Variants in MTUS2 observed in about 807,000 individuals in gnomAD.
MTUS2 encodes the protein microtubule-associated tumor suppressor candidate 2.
In MTUS2, 40 loss-of-function variants were observed where a neutral mutation model predicts 114.1. That is an observed-to-expected ratio of 0.35 (90% CI 0.27 to 0.46). The LOEUF is 0.46. Among genes scored for constraint, MTUS2 ranks in the 20% least tolerant of loss-of-function variants. MTUS2 has a pLI of 1.00. For missense variants in MTUS2, 1,679 were observed against 1,705.4 expected, an observed-to-expected ratio of 0.98 and a Z score of 0.27; for synonymous variants, 688 against 672.0, an observed-to-expected ratio of 1.02 and a Z score of -0.37.
At chr13:29,116,955 G>C (rs1176884630) in intron 5 of MTUS2, among the ~76,000 whole-genome samples, 2 of 152,114 alleles carry the variant, frequency 1.3e-5, no homozygotes, top group Admixed American at 1.3e-4. Context: ...CATGGATAAG[G>C]GGGGACTACT....
intron 9 of MTUS2, among the ~76,000 whole-genome samples, chr13:29,463,948 C>G (rs142193105): frequency 8.0e-4 from 122 of 152,250 alleles, no homozygotes; most frequent in African/African-American, 2.7e-3. Context: ...AAGCCAAGAT[C>G]GCACCACTGC....
At position 28,966,345 on chromosome 13, in the gene MTUS2, G is replaced by C. The variant is rs537612506; in HGVS notation, c.-242-58112G>C. On this transcript the variant is annotated intron_variant, in intron 2 of 15. Coordinates refer to ENST00000612955, the MANE Select transcript of MTUS2 (RefSeq NM_001033602.4). ...TTGTTTAAAGATATTCAGTTTATTTGCACATTCTTTGCTTTGGAAATACTT... is the reference window on the plus strand; with the variant it reads ...TTGTTTAAAGATATTCAGTTTATTTCCACATTCTTTGCTTTGGAAATACTT... Among the ~76,000 whole-genome samples, 55 of 152,174 alleles carry C rather than the reference G, an allele frequency of 3.6e-4. No homozygotes were observed. The Middle Eastern group carries it at 0.01, about 28-fold the overall frequency.
At position 29,155,665 on chromosome 13, in the gene MTUS2, C is replaced by A. The variant is rs117873051; in HGVS notation, c.2644+54695C>A. Among the ~76,000 whole-genome samples, 536 of 152,092 alleles carry A rather than the reference C, an allele frequency of 3.5e-3. 1 individual carries two copies. The highest frequency in any genetic ancestry group is 5.6e-3 in the Non-Finnish European group (378 of 68,004). On this transcript the variant is annotated intron_variant, in intron 5 of 15. Coordinates refer to ENST00000612955, the MANE Select transcript of MTUS2 (RefSeq NM_001033602.4). ...AATGTATGATCTAGAGAGGAAAACA[C>A]CAGAAATTCTGTATTTCTAACTAAA...
intron 2 of MTUS2, among the ~76,000 whole-genome samples, chr13:28,966,800 C>T (rs1016076462): frequency 6.7e-5 from 10 of 150,294 alleles, no homozygotes; most frequent in African/African-American, 1.5e-4. Context: ...GAAGGTTTAG[C>T]GTTGCAAACC....
chr13:29,384,306 TTC>T (rs1400951797), intron 8 of MTUS2, among the ~76,000 whole-genome samples: 3 of 152,252 alleles, frequency 2.0e-5, no homozygotes, highest in Non-Finnish European at 2.9e-5. Flanking sequence ...CATCTGAACT[TTC>T]TGTTAGAATT....
At chr13:29,259,313 A>T (rs1897385416) in intron 5 of MTUS2, among the ~76,000 whole-genome samples, 1 of 152,132 alleles carries the variant, frequency 6.6e-6, no homozygotes, top group Admixed American at 6.5e-5. Context: ...ATATGCCTTT[A>T]TTGGAGCACC....
intron 4 of MTUS2, among the ~76,000 whole-genome samples, chr13:29,060,141 C>T (rs886828144): frequency 5.3e-5 from 8 of 152,230 alleles, no homozygotes; most frequent in Non-Finnish European, 1.2e-4. Context: ...GTGCAGCAGT[C>T]TTACTGCTCC....
At chr13:29,061,693 T>C (rs1888428124) in intron 4 of MTUS2, among the ~76,000 whole-genome samples, 1 of 152,248 alleles carries the variant, frequency 6.6e-6, no homozygotes, top group Admixed American at 6.5e-5. Context: ...GGCAGAGAGA[T>C]AGGGCAATGA....
At chr13:29,301,925 G>A (rs1899220877) in intron 6 of MTUS2, among the ~76,000 whole-genome samples, 2 of 152,120 alleles carry the variant, frequency 1.3e-5, no homozygotes, top group South Asian at 4.1e-4. Flanking sequence ...GTCCTCACCT[G>A]GTAGAAGGTG....
At chr13:28,885,727 C>G (rs1878553803) in intron 2 of MTUS2, among the ~76,000 whole-genome samples, 1 of 152,120 alleles carries the variant, frequency 6.6e-6, no homozygotes, top group Non-Finnish European at 1.5e-5. Flanking sequence ...GAGTGAATAG[C>G]TGTTGATTTG....
chr13:28,853,691 AGATT>A (rs757295874), intron 2 of MTUS2, among the ~76,000 whole-genome samples: 15 of 152,232 alleles, frequency 9.9e-5, no homozygotes, highest in Non-Finnish European at 1.9e-4. Context: ...TAAAAACCAG[AGATT>A]GACCATCATG....
intron 5 of MTUS2, among the ~76,000 whole-genome samples, chr13:29,274,223 C>T (rs1197653128): frequency 6.6e-6 from 1 of 152,082 alleles, no homozygotes; most frequent in African/African-American, 2.4e-5. Flanking sequence ...ACGCCATTCT[C>T]TTGCCTCAGC....
chr13:29,351,781 T>A (rs868178733), intron 7 of MTUS2, among the ~76,000 whole-genome samples: 55 of 81,092 alleles, frequency 6.8e-4, no homozygotes, highest in African/African-American at 3.8e-3. Context: ...TTTGTTTATT[T>A]TTTTTTTTTT....
intron 5 of MTUS2, among the ~76,000 whole-genome samples, chr13:29,191,076 T>C (rs73166476): frequency 0.087 from 13,243 of 152,146 alleles, 834 homozygotes; most frequent in East Asian, 0.31. Flanking sequence ...GTTTTGGCCA[T>C]GGCATTGTCA....
intron 1 of MTUS2, among the ~76,000 whole-genome samples, chr13:28,830,774 A>G (rs1874615785): frequency 6.6e-6 from 1 of 152,178 alleles, no homozygotes; most frequent in African/African-American, 2.4e-5. Flanking sequence ...AAGCAGCAAG[A>G]GAGAAGTGAG....
At chr13:29,360,683 C>A (rs1402935549) in intron 8 of MTUS2, among the ~76,000 whole-genome samples, 1 of 87,896 alleles carries the variant, frequency 1.1e-5, no homozygotes, top group African/African-American at 4.2e-5. Context: ...ATAAAGTAGC[C>A]GAACACCCCC....
At chr13:29,185,290 C>CT (rs1216060209) in intron 5 of MTUS2, among the ~76,000 whole-genome samples, 1 of 151,982 alleles carries the variant, frequency 6.6e-6, no homozygotes, top group Admixed American at 6.6e-5. Flanking sequence ...CTATGGGACA[C>CT]CATCAAGCAT....
At chr13:29,273,826 C>T (rs1418454421) in intron 5 of MTUS2, among the ~76,000 whole-genome samples, 1 of 152,092 alleles carries the variant, frequency 6.6e-6, no homozygotes, top group East Asian at 1.9e-4. Context: ...AGGATTCATG[C>T]ATGGTATATA....
chr13:29,081,447 A>G (rs1593455286), intron 4 of MTUS2, among the ~76,000 whole-genome samples: 1 of 152,106 alleles, frequency 6.6e-6, no homozygotes, highest in African/African-American at 2.4e-5. Context: ...TGAGGCTTAT[A>G]GCCTGAGGCC....
Sources: allele counts gnomAD v4.1 joint callset (sites outside exome capture counted in the v4.1 genomes callset), GRCh38; gene constraint gnomAD v4.1.1; transcripts MANE v1.5; gene names NCBI Gene and HGNC (gene_info 2026-07-23, HGNC 2026-07-21).